SQOR: variants seen among roughly 807,000 people sequenced by gnomAD.
The protein encoded by SQOR is sulfide quinone oxidoreductase.
A neutral mutation model predicts 48.6 loss-of-function variants in SQOR; 39 were observed. The observed-to-expected ratio is 0.80, with a 90% CI of 0.62 to 1.05. The LOEUF (loss-of-function observed/expected upper bound fraction) is 1.05. SQOR is among the 50% of genes least tolerant of loss of function. SQOR has a pLI of 0.00. For synonymous variants in SQOR, 220 were observed against 206.2 expected (o/e 1.07, Z -0.57); for missense variants, 561 against 559.9 (o/e 1.00, Z -0.02).
intron 3 of SQOR, among the ~76,000 whole-genome samples, chr15:45,665,244 G>C (rs1889792935): frequency 6.6e-6 from 1 of 152,154 alleles, no homozygotes; most frequent in African/African-American, 2.4e-5. Context: ...GTAGTGTCTT[G>C]TTTTAGGGCA....
At chr15:45,651,858 T>C (rs1258662718) in intron 1 of SQOR, among the ~76,000 whole-genome samples, 1 of 152,104 alleles carries the variant, frequency 6.6e-6, no homozygotes, top group Non-Finnish European at 1.5e-5. Context: ...CTTCTTCTTC[T>C]TCTCCTTCTC....
chr15:45,667,950 T>C (rs1480874516), intron 3 of SQOR, among the ~76,000 whole-genome samples: 2 of 145,140 alleles, frequency 1.4e-5, no homozygotes, highest in Non-Finnish European at 3.0e-5. Context: ...TCTTTTTTTT[T>C]TTTTTTTTTT....
chr15:45,652,701 G>A (rs1389122009), intron 1 of SQOR, among the ~76,000 whole-genome samples: 2 of 137,996 alleles, frequency 1.4e-5, no homozygotes, highest in Admixed American at 1.6e-4. Flanking sequence ...GCCGGGCACG[G>A]TGGCTCACAC....
upstream of SQOR, chr15:45,631,974 G>T: frequency 6.6e-6 from 1 of 152,338 alleles, no homozygotes; most frequent in Non-Finnish European, 1.5e-5. Context: ...CAGAAGGCAA[G>T]GACTCAGAGA....
At chr15:45,648,409 C>G (rs576566003) in intron 1 of SQOR, among the ~76,000 whole-genome samples, 2 of 152,278 alleles carry the variant, frequency 1.3e-5, no homozygotes, top group South Asian at 2.1e-4. Context: ...ATCTCCTGAC[C>G]TCGTGATCCG....
At chr15:45,674,728 C>G (rs771821760) in intron 5 of SQOR, among the ~76,000 whole-genome samples, 4 of 152,208 alleles carry the variant, frequency 2.6e-5, no homozygotes, top group Non-Finnish European at 4.4e-5. Context: ...TCCAAATGCT[C>G]TCTGTGTAAG....
intron 1 of SQOR, among the ~76,000 whole-genome samples, chr15:45,655,897 G>C (rs2140945665): frequency 6.6e-6 from 1 of 151,886 alleles, no homozygotes; most frequent in South Asian, 2.1e-4. Flanking sequence ...ATGTTGGCCA[G>C]GATGGTCTCG....
chr15:45,643,997 A>C (rs1895151457), intron 1 of SQOR, among the ~76,000 whole-genome samples: 1 of 152,206 alleles, frequency 6.6e-6, no homozygotes, highest in African/African-American at 2.4e-5. Flanking sequence ...AAAATTTATA[A>C]AAATTTAGCT....
chr15:45,689,676 T>A (rs939867062), intron 9 of SQOR, among the ~76,000 whole-genome samples: 11 of 152,128 alleles, frequency 7.2e-5, no homozygotes, highest in Admixed American at 6.5e-4. Context: ...CGCCTCGGCC[T>A]CCCAATGTGT....
At chr15:45,652,986 G>C (rs1337150640) in intron 1 of SQOR, among the ~76,000 whole-genome samples, 1 of 152,014 alleles carries the variant, frequency 6.6e-6, no homozygotes, top group African/African-American at 2.4e-5. Flanking sequence ...GAAAGATTGT[G>C]TGGCTGTTGC....
intron 6 of SQOR, among the ~76,000 whole-genome samples, chr15:45,680,083 T>G (rs1471512682): frequency 6.6e-6 from 1 of 152,134 alleles, no homozygotes; most frequent in Non-Finnish European, 1.5e-5. Flanking sequence ...TTGTTTGTTT[T>G]TTTCTTTCTT....
intron 1 of SQOR, among the ~76,000 whole-genome samples, chr15:45,649,877 G>C (rs894318198): frequency 6.6e-6 from 1 of 151,838 alleles, no homozygotes; most frequent in Admixed American, 6.6e-5. Context: ...GTTTTTTTGA[G>C]ACAGTCTTCC....
intron 1 of SQOR, among the ~76,000 whole-genome samples, chr15:45,646,711 A>G (rs549613551): frequency 7.2e-5 from 11 of 152,332 alleles, no homozygotes; most frequent in African/African-American, 2.4e-4. Context: ...TTCATCAAAC[A>G]TGTACAAAAA....
At chr15:45,661,369 G>C (rs1595577136) in intron 2 of SQOR, among the ~76,000 whole-genome samples, 1 of 150,148 alleles carries the variant, frequency 6.7e-6, no homozygotes, top group East Asian at 2.0e-4. Context: ...GGTATGCATT[G>C]CATTGTGGAG....
At chr15:45,651,871 CCTT>C (rs1253230322) in intron 1 of SQOR, among the ~76,000 whole-genome samples, 1 of 151,964 alleles carries the variant, frequency 6.6e-6, no homozygotes, top group East Asian at 1.9e-4. Flanking sequence ...TCCTTCTCCT[CCTT>C]CTCCTTCTTC....
At chr15:45,667,753 A>T (rs1003044229) in intron 3 of SQOR, among the ~76,000 whole-genome samples, 2 of 152,072 alleles carry the variant, frequency 1.3e-5, no homozygotes, top group African/African-American at 4.8e-5. Context: ...ACAAACCAAA[A>T]GCTCCTCTTG....
At chr15:45,659,204 G>A (rs371510051) in intron 2 of SQOR, 47 bp downstream of exon 2, 32 of 1,374,000 alleles carry the variant, frequency 2.3e-5, no homozygotes, top group Non-Finnish European at 2.8e-5. Flanking sequence ...ACGTGTGTGT[G>A]TGTGTGAGTG....
chr15:45,633,337 A>G (rs28580864), upstream of SQOR, among the ~76,000 whole-genome samples: 2 of 152,204 alleles, frequency 1.3e-5, no homozygotes, highest in African/African-American at 4.8e-5. Flanking sequence ...CTATTGGAAT[A>G]AAGGAAGAAA....
rs182688213 is a variant in SQOR at position 45,689,426 on chromosome 15, T to G, written c.1295+209T>G. On this transcript the variant is annotated intron_variant, in intron 9 of 9. Coordinates refer to ENST00000260324, the MANE Select transcript of SQOR (RefSeq NM_021199.4). The stretch of plus-strand genomic sequence containing the variant: ...ATCATCTGCTACCTTACTTTTTTTT[T>G]TTTTTTTTTGAGACAGAGTCTTGCT... The G allele has an allele frequency of 1.2e-3, 492 of 414,480 alleles. 22 individuals are homozygous for G. The East Asian group carries it at 0.022, about 19-fold the overall frequency. The allele number at this position is 414,480 out of a possible 1,614,324, so 25.7% of individuals were successfully genotyped here.
Sources: allele counts gnomAD v4.1 joint callset (sites outside exome capture counted in the v4.1 genomes callset), GRCh38; gene constraint gnomAD v4.1.1; transcripts MANE v1.5; gene names NCBI Gene and HGNC (gene_info 2026-07-23, HGNC 2026-07-21).